Variants in MGAT5 observed in about 807,000 individuals in gnomAD.
MGAT5 encodes alpha-1,6-mannosylglycoprotein 6-beta-N-acetylglucosaminyltransferase A.
A neutral mutation model predicts 94.3 loss-of-function variants in MGAT5; 30 were observed. The ratio of observed to expected loss-of-function variants is 0.32; its 90% CI spans 0.24 to 0.43. MGAT5 has a LOEUF of 0.43. Among genes scored for constraint, MGAT5 ranks in the 20% least tolerant of loss-of-function variants. The pLI, the probability that MGAT5 is intolerant of heterozygous loss-of-function variation, is 1.00. For missense variants in MGAT5, 691 were observed against 905.5 expected (o/e 0.76, Z 3.04); for synonymous variants, 310 against 322.9 (o/e 0.96, Z 0.43).
intron 1 of MGAT5, among the ~76,000 whole-genome samples, chr2:134,183,168 A>T (rs1688833682): frequency 6.6e-6 from 1 of 152,212 alleles, no homozygotes; most frequent in South Asian, 2.1e-4. Flanking sequence ...GTGGCAATTA[A>T]ACAAACTGGG....
intron 2 of MGAT5, among the ~76,000 whole-genome samples, chr2:134,288,806 C>T (rs1055437229): frequency 2.0e-5 from 3 of 152,178 alleles, no homozygotes; most frequent in Admixed American, 6.5e-5. Context: ...TCTCCCCTGA[C>T]AGCCACCCAT....
At chr2:134,380,212 T>C (rs185541510) in intron 10 of MGAT5, among the ~76,000 whole-genome samples, 89 of 152,328 alleles carry the variant, frequency 5.8e-4, no homozygotes, top group Non-Finnish European at 1.2e-3. Flanking sequence ...CTGAATTTCA[T>C]ATGTTAAACA....
chr2:134,327,071 C>G (rs1168466237), intron 4 of MGAT5, among the ~76,000 whole-genome samples: 1 of 152,076 alleles, frequency 6.6e-6, no homozygotes, highest in Non-Finnish European at 1.5e-5. Flanking sequence ...CTATCTGAAG[C>G]ATTTTTTAAA....
chr2:134,354,904 A>G (rs372416146), intron 9 of MGAT5, among the ~76,000 whole-genome samples: 1 of 152,158 alleles, frequency 6.6e-6, no homozygotes, highest in African/African-American at 2.4e-5. Context: ...AGGCTTTCCA[A>G]CCACAAAAAC....
intron 8 of MGAT5, among the ~76,000 whole-genome samples, chr2:134,348,706 C>T (rs904329435): frequency 6.6e-6 from 1 of 152,136 alleles, no homozygotes; most frequent in Non-Finnish European, 1.5e-5. Context: ...AAAAGTTATT[C>T]AGAAGTTATT....
At chr2:134,144,342 G>A (rs1686806785) in intron 1 of MGAT5, among the ~76,000 whole-genome samples, 1 of 152,202 alleles carries the variant, frequency 6.6e-6, no homozygotes, top group Non-Finnish European at 1.5e-5. Flanking sequence ...CATGGCCAGA[G>A]CAGGAGGAAG....
At chr2:134,241,045 A>G (rs559333563) in intron 1 of MGAT5, among the ~76,000 whole-genome samples, 4 of 152,402 alleles carry the variant, frequency 2.6e-5, no homozygotes, top group African/African-American at 7.2e-5. Flanking sequence ...TACCAGTTTT[A>G]TTAGTGTAAA....
At chr2:134,131,916 A>G (rs1281622560) in intron 1 of MGAT5, among the ~76,000 whole-genome samples, 2 of 152,210 alleles carry the variant, frequency 1.3e-5, no homozygotes, top group African/African-American at 2.4e-5. Context: ...CGATTTCATC[A>G]TAGACCAGCC....
At chr2:134,187,627 G>A (rs1689110914) in intron 1 of MGAT5, among the ~76,000 whole-genome samples, 1 of 152,132 alleles carries the variant, frequency 6.6e-6, no homozygotes, top group Non-Finnish European at 1.5e-5. Flanking sequence ...TCTCCTTCTG[G>A]CATGTAAGTG....
intron 4 of MGAT5, among the ~76,000 whole-genome samples, chr2:134,325,334 T>G (rs897037009): frequency 3.9e-5 from 6 of 152,138 alleles, no homozygotes. Context: ...CTCATGTAAT[T>G]TCTATTGTAT....
At chr2:134,336,438 A>G in intron 5 of MGAT5, 150 bp downstream of exon 5, 4 of 649,060 alleles carry the variant, frequency 6.2e-6, no homozygotes, top group Admixed American at 2.8e-5. Context: ...AGTCTAAGTG[A>G]CTAAATCAGT....
chr2:134,204,112 C>G (rs1425180237), intron 1 of MGAT5, among the ~76,000 whole-genome samples: 1 of 152,210 alleles, frequency 6.6e-6, no homozygotes, highest in Non-Finnish European at 1.5e-5. Context: ...ATGCTGTTTA[C>G]ATGGAGATTC....
At chr2:134,315,854 T>C (rs1686967919) in intron 2 of MGAT5, among the ~76,000 whole-genome samples, 2 of 152,194 alleles carry the variant, frequency 1.3e-5, no homozygotes, top group Admixed American at 1.3e-4. Flanking sequence ...TCTTAGCAGG[T>C]AGAGGGCTTG....
chr2:134,350,004 C>T lies in MGAT5; in HGVS notation c.1246+66C>T, dbSNP rs570075249. The T allele has an allele frequency of 3.2e-6, 5 of 1,585,114 alleles. No individual in the cohort carries two copies. The South Asian group carries it at 4.5e-5, about 14-fold the overall frequency. The stretch of plus-strand genomic sequence containing the variant: ...CAAAGATAGATGGGAAAATTAGCCG[C>T]CATCTATTTTGGGTTATGATTCTCA... On this transcript the variant is annotated intron_variant, in intron 9 of 15. Coordinates refer to ENST00000281923, the MANE Select transcript of MGAT5 (RefSeq NM_002410.5).
chr2:134,163,784 C>T lies in MGAT5; in HGVS notation c.-143+43493C>T, dbSNP rs141379441. ...GTACTGAGAGAGACCCAGGTCTGAC[C>T]TGTATAGCAGTTTGAGTCGAGGGGC... On this transcript the variant is annotated intron_variant, in intron 1 of 16. Coordinates refer to the MGAT5 transcript ENST00000409645. Among the ~76,000 whole-genome samples the T allele has an allele frequency of 3.7e-4, 56 of 152,302 alleles. 1 individual carries two copies. In the East Asian group the frequency reaches 9.1e-3, roughly 25 times the overall value.
chr2:134,391,539 C>T (rs1398288964), intron 10 of MGAT5, among the ~76,000 whole-genome samples: 1 of 152,198 alleles, frequency 6.6e-6, no homozygotes. Context: ...ATGTCTTATC[C>T]TTACCTGGTG....
intron 11 of MGAT5, among the ~76,000 whole-genome samples, chr2:134,409,257 A>C (rs532657423): frequency 3.3e-4 from 51 of 152,344 alleles, no homozygotes; most frequent in African/African-American, 1.2e-3. Flanking sequence ...TCCTCACAGC[A>C]ACCCCATGAA....
intron 2 of MGAT5, among the ~76,000 whole-genome samples, chr2:134,283,351 G>T (rs1684815428): frequency 6.6e-6 from 1 of 152,152 alleles, no homozygotes; most frequent in Non-Finnish European, 1.5e-5. Flanking sequence ...AACAAAATGT[G>T]GTTTTGGCAA....
rs149456342 is a variant in MGAT5, at chr2:134,186,734, G to C, written c.-143+66443G>C. Among the ~76,000 whole-genome samples, 503 of 152,296 alleles carry C rather than the reference G, an allele frequency of 3.3e-3. 4 individuals carry two copies. Among genetic ancestry groups the C allele is most frequent in the African/African-American group, 0.011 (461 of 41,560 alleles). Reference sequence around the variant, plus strand: ...GACTTTACTCTGTATAACCGAGTCAGTGATGGCATCATCAAAGTCATTCAT... The same window carrying C: ...GACTTTACTCTGTATAACCGAGTCACTGATGGCATCATCAAAGTCATTCAT... On this transcript the variant is annotated intron_variant, in intron 1 of 16. Transcript: ENST00000409645.
Sources: gnomAD v4.1 joint callset for allele counts (sites outside exome capture counted in the v4.1 genomes callset) on GRCh38, gnomAD v4.1.1 for gene constraint, MANE v1.5 for transcripts, NCBI Gene and HGNC (gene_info 2026-07-23, HGNC 2026-07-21) for gene names.